SKIL: variants seen among roughly 807,000 people sequenced by gnomAD.
SKIL encodes ski-like protein.
A neutral mutation model predicts 69.6 loss-of-function variants in SKIL; 20 were observed. That is an observed-to-expected ratio of 0.29 (90% CI 0.20 to 0.42). The LOEUF is 0.42. Ranked by LOEUF, SKIL falls within the 10% of genes least tolerant of loss-of-function variation. SKIL has a pLI of 1.00. For synonymous variants in SKIL, 310 were observed against 279.9 expected, an observed-to-expected ratio of 1.11 and a Z score of -1.08; for missense variants, 745 against 783.1, an observed-to-expected ratio of 0.95 and a Z score of 0.58.
At chr3:170,386,200 G>A (rs1006246137) in intron 4 of SKIL, among the ~76,000 whole-genome samples, 35 of 148,700 alleles carry the variant, frequency 2.4e-4, no homozygotes, top group African/African-American at 7.2e-4. Flanking sequence ...GTGTGATCTC[G>A]GCTCACTGCA....
intron 2 of SKIL, among the ~76,000 whole-genome samples, chr3:170,361,833 C>T (rs1236092758): frequency 6.6e-6 from 1 of 151,880 alleles, no homozygotes; most frequent in African/African-American, 2.4e-5. Flanking sequence ...GATCCGCCCA[C>T]CTTGGCCTCC....
intron 2 of SKIL, among the ~76,000 whole-genome samples, chr3:170,362,069 C>G (rs1346643899): frequency 2.0e-5 from 3 of 151,976 alleles, no homozygotes; most frequent in African/African-American, 7.3e-5. Flanking sequence ...TCTGATGTTT[C>G]TATGTTTGGA....
chr3:170,365,925 T>C (rs982111342), intron 2 of SKIL, among the ~76,000 whole-genome samples: 1 of 152,004 alleles, frequency 6.6e-6, no homozygotes, highest in Non-Finnish European at 1.5e-5. Flanking sequence ...CCAGCTAATT[T>C]TTTTATTTTT....
intron 2 of SKIL, among the ~76,000 whole-genome samples, chr3:170,367,820 A>G (rs565021544): frequency 4.6e-5 from 7 of 152,302 alleles, no homozygotes; most frequent in Non-Finnish European, 5.9e-5. Context: ...TAAGTAAAAT[A>G]TTTTAGTTTT....
intron 2 of SKIL, among the ~76,000 whole-genome samples, chr3:170,367,927 G>T (rs527281719): frequency 5.9e-5 from 9 of 152,246 alleles, no homozygotes; most frequent in African/African-American, 2.2e-4. Flanking sequence ...CCCTGAAAGC[G>T]TATTAGCCGT....
chr3:170,363,913 T>C (rs970558120), intron 2 of SKIL, among the ~76,000 whole-genome samples: 2 of 152,236 alleles, frequency 1.3e-5, no homozygotes, highest in Admixed American at 6.5e-5. Context: ...ATGCCCCTTT[T>C]GATATTTGTG....
chr3:170,380,568 GGGAGGT>G (rs1267650040), intron 2 of SKIL, among the ~76,000 whole-genome samples: 1 of 151,974 alleles, frequency 6.6e-6, no homozygotes, highest in African/African-American at 2.4e-5. Flanking sequence ...GCTTGAACCC[GGGAGGT>G]GGAGGTTGCA....
At chr3:170,379,383 T>G (rs1737208702) in intron 2 of SKIL, among the ~76,000 whole-genome samples, 1 of 152,194 alleles carries the variant, frequency 6.6e-6, no homozygotes, top group Non-Finnish European at 1.5e-5. Context: ...TTTCCTGGGT[T>G]TGTCTGTTAA....
intron 2 of SKIL, among the ~76,000 whole-genome samples, chr3:170,365,699 C>T (rs1389161004): frequency 6.7e-6 from 1 of 150,334 alleles, no homozygotes; most frequent in African/African-American, 2.5e-5. Context: ...GAGTTGGTTG[C>T]CAAACAAGCC....
At chr3:170,375,178 G>A (rs1311545880) in intron 2 of SKIL, among the ~76,000 whole-genome samples, 1 of 152,190 alleles carries the variant, frequency 6.6e-6, no homozygotes, top group Non-Finnish European at 1.5e-5. Context: ...CATTGGCTAG[G>A]GGACTATGCT....
At chr3:170,375,073 A>C (rs984336718) in intron 2 of SKIL, among the ~76,000 whole-genome samples, 3 of 152,210 alleles carry the variant, frequency 2.0e-5, no homozygotes, top group Non-Finnish European at 4.4e-5. Flanking sequence ...CTAGGTATTA[A>C]AAATACAAAG....
At position 170,390,386 on chromosome 3, in the gene SKIL, G is replaced by C. The variant is rs771701227; in HGVS notation, c.1593G>C (p.Met531Ile). The change falls in exon 5 of 7, where the codon ATG becomes ATC. Residue 531 changes from methionine to isoleucine, a missense_variant. Coordinates refer to ENST00000259119, the MANE Select transcript of SKIL (RefSeq NM_005414.5). Reference protein sequence around the residue: ...VICEDDKGKIMEEVMRTYLKQ... With the variant: ...VICEDDKGKIIEEVMRTYLKQ... Reference sequence around the variant, plus strand: ...GTGAGGATGATAAGGGAAAAATCATGGAAGAAGTAATGAGAACTTATTTAA... The same window carrying C: ...GTGAGGATGATAAGGGAAAAATCATCGAAGAAGTAATGAGAACTTATTTAA... 93 of 1,613,502 alleles carry C rather than the reference G, an allele frequency of 5.8e-5. No homozygotes were observed. Among genetic ancestry groups the C allele is most frequent in the Non-Finnish European group, 7.8e-5 (92 of 1,179,578 alleles).
intron 2 of SKIL, among the ~76,000 whole-genome samples, chr3:170,374,293 G>A (rs180931056): frequency 6.6e-6 from 1 of 152,116 alleles, no homozygotes; most frequent in Admixed American, 6.6e-5. Context: ...TGAAATTTTT[G>A]TGTCTGAAAT....
In SKIL at chr3:170,392,389, T is replaced by C; in HGVS notation, c.2027T>C (p.Leu676Pro). The C allele has an allele frequency of 6.2e-7, 1 of 1,611,580 alleles. No homozygotes were observed. The highest frequency in any genetic ancestry group is 1.1e-5 in the South Asian group (1 of 90,848). The change falls in exon 7 of 7, where the codon CTG becomes CCG. Residue 676 changes from leucine to proline, a missense_variant. Coordinates refer to ENST00000259119, the MANE Select transcript of SKIL (RefSeq NM_005414.5). ...MMIKELKLQI[L>P]KSSKTAKE ...ATAAAAGAGCTAAAGCTGCAAATTC[T>C]GAAATCATCAAAGACTGCTAAAGAA...
At chr3:170,366,688 C>CACACGCAG (rs1736535775) in intron 2 of SKIL, among the ~76,000 whole-genome samples, 7 of 140,766 alleles carry the variant, frequency 5.0e-5, no homozygotes, top group African/African-American at 1.9e-4. Context: ...CACACACACA[C>CACACGCAG]ACACACAGAC....
chr3:170,388,467 TC>T (rs1295038779), intron 4 of SKIL, among the ~76,000 whole-genome samples: 1 of 152,146 alleles, frequency 6.6e-6, no homozygotes, highest in Non-Finnish European at 1.5e-5. Flanking sequence ...CTTTTTTTTT[TC>T]CTGAGACAAA....
In SKIL at chr3:170,360,217, T is replaced by C; in HGVS notation, c.-115T>C. 1.9e-6 allele frequency: 2 copies of C among 1,055,670 alleles called. No individual in the cohort carries two copies. The highest frequency in any genetic ancestry group is 2.7e-6 in the Non-Finnish European group (2 of 741,466). The allele number at this position is 1,055,670 out of a possible 1,614,324, so 65.4% of individuals were successfully genotyped here. ...ATTTAAGGGGCTCTCGCTTTGAAAG[T>C]TTGAGAGTAAGTTACGATAGGCATT... On this transcript the variant is annotated 5_prime_UTR_variant, in exon 2 of 7. Transcript: ENST00000259119.
At position 170,392,534 on chromosome 3, in the gene SKIL, C is replaced by T; in HGVS notation, c.*117C>T. On this transcript the variant is annotated 3_prime_UTR_variant, in exon 7 of 7. Coordinates refer to ENST00000259119, the MANE Select transcript of SKIL (RefSeq NM_005414.5). Reference sequence around the variant, plus strand: ...CATGACGATAACTAGGCATTCTATCCATTTGTAGATCAGAGAAAGTGAAGA... The same window carrying T: ...CATGACGATAACTAGGCATTCTATCTATTTGTAGATCAGAGAAAGTGAAGA... The T allele has an allele frequency of 1.8e-6, 1 of 564,196 alleles. No homozygotes were observed. The highest frequency in any genetic ancestry group is 3.1e-6 in the Non-Finnish European group (1 of 323,664). The allele number at this position is 564,196 out of a possible 1,614,324, so 34.9% of individuals were successfully genotyped here.
In SKIL at chr3:170,394,456, A is replaced by G. The variant is rs1465223689; in HGVS notation, c.*2039A>G. On this transcript the variant is annotated 3_prime_UTR_variant, in exon 7 of 7. Transcript: ENST00000259119. ...GACAAACTCAAACACCTATAATTTC[A>G]TTTATATTTCTAATTCACTTGGAAC... 6.6e-6 allele frequency: 1 copy of G among 152,114 alleles called. No individual in the cohort carries two copies. Among genetic ancestry groups the G allele is most frequent in the Non-Finnish European group, 1.5e-5 (1 of 68,004 alleles). The allele number at this position is 152,114 out of a possible 1,614,324, so 9.4% of individuals were successfully genotyped here. A position where few individuals can be genotyped will look rare whatever the true frequency, so the allele number is the denominator to read the frequency against.
Sources: gnomAD v4.1 joint callset for allele counts (sites outside exome capture counted in the v4.1 genomes callset) on GRCh38, gnomAD v4.1.1 for gene constraint, MANE v1.5 for transcripts, NCBI Gene and HGNC (gene_info 2026-07-23, HGNC 2026-07-21) for gene names.